The following TEX14 variants were observed in gnomAD, a reference collection of about 807,000 sequenced individuals.
TEX14 encodes the protein testis expressed 14, intercellular bridge forming factor, also known as inactive serine/threonine-protein kinase TEX14.
TEX14 carries 168 observed loss-of-function variants against 178.6 expected under a neutral mutation model. The ratio of observed to expected loss-of-function variants is 0.94; its 90% CI spans 0.83 to 1.07. The LOEUF (loss-of-function observed/expected upper bound fraction) is 1.07. Among genes scored for constraint, TEX14 ranks in the 50% least tolerant of loss-of-function variants. The probability of loss-of-function intolerance (pLI) is 0.00; values close to 1 mark genes in which losing one functional copy is unlikely to be tolerated. For missense variants in TEX14, 1,730 were observed against 1,753.6 expected (o/e 0.99, Z 0.24); for synonymous variants, 626 against 634.1 (o/e 0.99, Z 0.19).
At chr17:58,626,321 A>G (rs1235061829) in intron 3 of TEX14, among the ~76,000 whole-genome samples, 1 of 141,392 alleles carries the variant, frequency 7.1e-6, no homozygotes, top group Non-Finnish European at 1.6e-5. Flanking sequence ...ATCCTAGCAC[A>G]TCGGGAGGCC....
chr17:58,557,885 T>TA (rs1567985859), intron 30 of TEX14, 35 bp from the exon 31 acceptor site: 2 of 1,569,868 alleles, frequency 1.3e-6, no homozygotes, highest in Non-Finnish European at 1.7e-6. Context: ...AAAAACAACA[T>TA]GATTAATTTC....
intron 2 of TEX14, among the ~76,000 whole-genome samples, chr17:58,650,393 T>C (rs1567758398): frequency 6.6e-6 from 1 of 151,918 alleles, no homozygotes; most frequent in Non-Finnish European, 1.5e-5. Context: ...AAAACATATG[T>C]GGATATGTTA....
At chr17:58,590,253 CTG>C (rs2045094953) in intron 15 of TEX14, among the ~76,000 whole-genome samples, 1 of 103,924 alleles carries the variant, frequency 9.6e-6, no homozygotes, top group Non-Finnish European at 1.8e-5. Context: ...TAGCAAGACT[CTG>C]TGTCAAAAAA....
chr17:58,691,406 C>T (rs1374597623), intron 1 of TEX14, among the ~76,000 whole-genome samples: 1 of 152,000 alleles, frequency 6.6e-6, no homozygotes, highest in East Asian at 2.0e-4. Flanking sequence ...CGGTGGCTCA[C>T]GCCTGTACTC....
At chr17:58,574,675 C>CAAAAAAAAAAAA (rs1177255314) in intron 21 of TEX14, among the ~76,000 whole-genome samples, 1 of 43,890 alleles carries the variant, frequency 2.3e-5, no homozygotes, top group African/African-American at 8.6e-5. Flanking sequence ...ACTCCATCTC[C>CAAAAAAAAAAAA]AAAAAAAAAA....
Position 58,598,860 on chromosome 17 carries a change from C to A in TEX14, c.2469+16G>T. On this transcript the variant is annotated intron_variant, in intron 14 of 31. Coordinates refer to ENST00000349033, the MANE Select transcript of TEX14 (RefSeq NM_031272.5). ...CTGGATCTTTTGCCAAAATGTCCCC[C>A]TTGAAAGTCTCTTACCATTCTTGGA... 1 of 1,571,750 alleles carries A rather than the reference C, an allele frequency of 6.4e-7. No homozygotes were observed. Among genetic ancestry groups the A allele is most frequent in the Non-Finnish European group, 8.6e-7 (1 of 1,161,490 alleles).
intron 31 of TEX14, 73 bp from the exon 32 acceptor site, chr17:58,557,120 C>T: frequency 2.5e-6 from 3 of 1,188,546 alleles, no homozygotes; most frequent in Non-Finnish European, 3.8e-6. Flanking sequence ...AGACACAAAC[C>T]ACATCCTCTT....
intron 25 of TEX14, 28 bp downstream of exon 25, chr17:58,570,357 T>C: frequency 7.0e-7 from 1 of 1,428,090 alleles, no homozygotes; most frequent in Non-Finnish European, 9.3e-7. Flanking sequence ...GATTATAAAC[T>C]TCTATTTTGA....
intron 1 of TEX14, among the ~76,000 whole-genome samples, chr17:58,673,678 C>T (rs1354541660): frequency 1.3e-5 from 2 of 151,898 alleles, no homozygotes; most frequent in African/African-American, 4.8e-5. Context: ...CCTCCCACCT[C>T]ACCCTCCCGA....
chr17:58,572,864 G>A (rs138265990), intron 23 of TEX14, among the ~76,000 whole-genome samples: 2 of 152,316 alleles, frequency 1.3e-5, no homozygotes, highest in East Asian at 3.9e-4. Context: ...TAAGCACAAG[G>A]TACTGTTTTA....
intron 1 of TEX14, among the ~76,000 whole-genome samples, chr17:58,688,093 C>A: frequency 6.6e-6 from 1 of 152,184 alleles, no homozygotes; most frequent in East Asian, 1.9e-4. Flanking sequence ...TACTCTACTT[C>A]GGCACTTTTA....
Position 58,622,949 on chromosome 17 carries a change from A to G in TEX14, c.315T>C (p.Leu105=), listed in dbSNP as rs763784871. Residue 105 remains leucine (L), a synonymous_variant, in exon 4 of 32, where the codon CTT becomes CTC. Transcript: ENST00000349033. ...CACCTCCTGCATCCAGCAGTTTGCT[A>G]AGGATCCACTGATTGCCCGAAAATG... is the stretch of plus-strand genomic sequence containing the variant. ...AAAFSGNQWI[L]SKLLDAGGDL... is the part of the protein sequence containing the mutation. The G allele has an allele frequency of 1.9e-6, 3 of 1,612,292 alleles. No homozygotes were observed. The highest frequency in any genetic ancestry group is 2.2e-5 in the East Asian group (1 of 44,840).
chr17:58,637,162 A>G (rs1160665520), intron 2 of TEX14, among the ~76,000 whole-genome samples: 1 of 152,176 alleles, frequency 6.6e-6, no homozygotes, highest in African/African-American at 2.4e-5. Context: ...CAGGAGGCAG[A>G]GATTGCAGTG....
At chr17:58,671,200 T>C (rs894699332) in intron 1 of TEX14, among the ~76,000 whole-genome samples, 1 of 152,202 alleles carries the variant, frequency 6.6e-6, no homozygotes, top group Non-Finnish European at 1.5e-5. Context: ...ACTAAGATTA[T>C]TATTTCAATT....
chr17:58,633,656 C>G (rs968190457), intron 2 of TEX14, among the ~76,000 whole-genome samples: 6 of 152,126 alleles, frequency 3.9e-5, no homozygotes, highest in African/African-American at 1.4e-4. Flanking sequence ...CAAACCCCAT[C>G]TCTACTATAA....
At chr17:58,565,630 C>G (rs1475254736) in intron 27 of TEX14, 117 bp downstream of exon 27, 2 of 673,708 alleles carry the variant, frequency 3.0e-6, no homozygotes, top group Non-Finnish European at 5.3e-6. Context: ...ACTATAAAGT[C>G]AGACTTGAGG....
At chr17:58,605,169 A>G (rs752268441) in intron 10 of TEX14, 40 bp from the exon 11 acceptor site, 6 of 1,594,974 alleles carry the variant, frequency 3.8e-6, no homozygotes, top group African/African-American at 2.7e-5. Context: ...CATGCCTTAA[A>G]GGGTCTTTTA....
intron 12 of TEX14, 43 bp downstream of exon 12, chr17:58,602,357 G>A: frequency 1.1e-5 from 17 of 1,547,330 alleles, no homozygotes; most frequent in Non-Finnish European, 1.5e-5. Context: ...ATTCTCCTGA[G>A]TTAGGTAAGC....
At chr17:58,683,514 G>T (rs972244480) in intron 1 of TEX14, among the ~76,000 whole-genome samples, 2 of 152,140 alleles carry the variant, frequency 1.3e-5, no homozygotes, top group Non-Finnish European at 2.9e-5. Context: ...TGTAATCCCA[G>T]CACTTTGGGA....
Sources: gnomAD v4.1 joint callset for allele counts (sites outside exome capture counted in the v4.1 genomes callset) on GRCh38, gnomAD v4.1.1 for gene constraint, MANE v1.5 for transcripts, NCBI Gene and HGNC (gene_info 2026-07-23, HGNC 2026-07-21) for gene names.